The following PREPL variants were observed in gnomAD, a reference collection of about 807,000 sequenced individuals.
PREPL encodes the protein prolyl endopeptidase like, also known as prolyl endopeptidase-like.
A neutral mutation model predicts 70.6 loss-of-function variants in PREPL; 77 were observed. The ratio of observed to expected loss-of-function variants is 1.09; its 90% CI spans 0.91 to 1.32. The LOEUF (loss-of-function observed/expected upper bound fraction) is 1.32, where lower values mean the gene tolerates loss of function less well. PREPL is among the 40% of genes most tolerant of loss of function. PREPL has a pLI of 0.00. For missense variants in PREPL, 1,002 were observed against 778.2 expected, an observed-to-expected ratio of 1.29 and a Z score of -3.42; for synonymous variants, 315 against 264.8, an observed-to-expected ratio of 1.19 and a Z score of -1.84.
At chr2:44,330,415 A>T (rs1353742389) in intron 8 of PREPL, among the ~76,000 whole-genome samples, 1 of 152,174 alleles carries the variant, frequency 6.6e-6, no homozygotes, top group Non-Finnish European at 1.5e-5. Flanking sequence ...CAATAATTGC[A>T]ACATTTTGAT....
chr2:44,341,020 T>C (rs1345069804), intron 5 of PREPL, among the ~76,000 whole-genome samples: 1 of 152,108 alleles, frequency 6.6e-6, no homozygotes, highest in Admixed American at 6.5e-5. Context: ...CTATTTACAA[T>C]AGTTTTTGTG....
chr2:44,349,208 T>C (rs961763680), intron 1 of PREPL, among the ~76,000 whole-genome samples: 1 of 152,122 alleles, frequency 6.6e-6, no homozygotes, highest in East Asian at 1.9e-4. Flanking sequence ...AATGGTGAAG[T>C]AGAAAGACAC....
At chr2:44,353,610 T>TA (rs1676692064) in intron 1 of PREPL, among the ~76,000 whole-genome samples, 1 of 150,978 alleles carries the variant, frequency 6.6e-6, no homozygotes, top group Admixed American at 6.6e-5. Context: ...AATAAATAAA[T>TA]AAAACTTATT....
rs749836942 is a variant in PREPL, at chr2:44,326,922, A to G, written c.1269T>C (p.Gly423=). 2.5e-6 allele frequency: 4 copies of G among 1,613,772 alleles called. No homozygotes were observed. The South Asian group carries it at 4.4e-5, about 18-fold the overall frequency. ...WILAYCHVRG[G]GELGLQWHAD... ...CGTGCCACTGGAGGCCTAACTCACC[A>G]CCACCTCTGAAATTGAAGGGCAAAA... is the stretch of plus-strand genomic sequence containing the variant. Residue 423 remains glycine, a synonymous_variant, in exon 10 of 14, where the codon GGT becomes GGC. Coordinates refer to ENST00000409411, the MANE Select transcript of PREPL (RefSeq NM_001171613.2).
chr2:44,351,117 T>G (rs2093084923), intron 1 of PREPL, among the ~76,000 whole-genome samples: 1 of 150,146 alleles, frequency 6.7e-6, no homozygotes, highest in Non-Finnish European at 1.5e-5. Flanking sequence ...GTATTTTTAG[T>G]AGAGATGGGG....
rs60067050 is a variant in PREPL, at chr2:44,356,810, A to ATT, written c.-49+4568_-49+4569dup. 4.1e-4 allele frequency among the ~76,000 whole-genome samples: 61 copies of ATT among 148,246 alleles called. 1 individual carries two copies. Among genetic ancestry groups the ATT allele is most frequent in the African/African-American group, 6.2e-4 (25 of 40,232 alleles). On this transcript the variant is annotated intron_variant, in intron 1 of 13. Coordinates refer to ENST00000409411, the MANE Select transcript of PREPL (RefSeq NM_001171613.2). ...ACAGAATGACAAGTTGAAACTCCCT[A>ATT]TTTTTTTTTTTTTGAGACAGGGTAT... is the stretch of plus-strand genomic sequence containing the variant.
At chr2:44,340,945 A>T (rs979804841) in intron 5 of PREPL, among the ~76,000 whole-genome samples, 2 of 150,982 alleles carry the variant, frequency 1.3e-5, no homozygotes, top group Non-Finnish European at 2.9e-5. Flanking sequence ...AAAAAAAAAA[A>T]TTAAGAACAT....
intron 13 of PREPL, 104 bp downstream of exon 13, chr2:44,321,723 T>C (rs1672972459): frequency 1.2e-6 from 2 of 1,601,224 alleles, no homozygotes; most frequent in Admixed American, 1.7e-5. Flanking sequence ...GATAGGACAT[T>C]TGTGAAGTGG....
chr2:44,321,933 A>G (rs1156953691), intron 12 of PREPL, 33 bp from the exon 13 acceptor site: 2 of 1,588,756 alleles, frequency 1.3e-6, no homozygotes, highest in South Asian at 1.1e-5. Flanking sequence ...CAATTAGAAG[A>G]TTGTATGGGA....
At chr2:44,357,268 A>C (rs945267114) in intron 1 of PREPL, among the ~76,000 whole-genome samples, 5 of 152,298 alleles carry the variant, frequency 3.3e-5, no homozygotes, top group South Asian at 2.1e-4. Flanking sequence ...CAGACATTTT[A>C]ATTTACCTAA....
At chr2:44,355,728 T>C (rs570578399) in intron 1 of PREPL, among the ~76,000 whole-genome samples, 2 of 147,726 alleles carry the variant, frequency 1.4e-5, no homozygotes, top group East Asian at 3.9e-4. Flanking sequence ...TCAAACTTTT[T>C]GCAAGATATA....
intron 3 of PREPL, 136 bp downstream of exon 3, chr2:44,344,384 A>G: frequency 2.9e-6 from 2 of 694,738 alleles, no homozygotes; most frequent in African/African-American, 1.8e-5. Flanking sequence ...CAGATATTAA[A>G]AACTAGTCAT....
At position 44,335,374 on chromosome 2, in the gene PREPL, T is replaced by C. The variant is rs72804927; in HGVS notation, c.889-2718A>G. Among the ~76,000 whole-genome samples, 6 of 152,320 alleles carry C rather than the reference T, an allele frequency of 3.9e-5. No individual in the cohort carries two copies. In the East Asian group the frequency reaches 9.6e-4, roughly 24 times the overall value. On this transcript the variant is annotated intron_variant, in intron 7 of 13. Transcript: ENST00000409411. Reference sequence around the variant, plus strand: ...ATAGAATTTTGTTCTAACAAGTGCATTGCTAGAAATTACATATTCTCTCCC... The same window carrying C: ...ATAGAATTTTGTTCTAACAAGTGCACTGCTAGAAATTACATATTCTCTCCC...
chr2:44,335,807 T>C (rs1674580615), intron 7 of PREPL, among the ~76,000 whole-genome samples: 1 of 151,108 alleles, frequency 6.6e-6, no homozygotes, highest in African/African-American at 2.4e-5. Flanking sequence ...AAAGATCTAG[T>C]ATCCAGAATT....
chr2:44,346,392 T>A lies in PREPL; in HGVS notation c.-48-2A>T, dbSNP rs753545038. On this transcript the variant is annotated splice_acceptor_variant, in intron 1 of 13. Coordinates refer to ENST00000409411, the MANE Select transcript of PREPL (RefSeq NM_001171613.2). LOFTEE classifies it low-confidence loss of function (5UTR_SPLICE). The stretch of plus-strand genomic sequence containing the variant: ...TTCTTGTTTAACAGGCTGAAGATCC[T>A]GGAAAAAGTTTTGTTATGATCAAAA... 80 of 1,609,276 alleles carry A rather than the reference T, an allele frequency of 5.0e-5. No individual in the cohort carries two copies. The highest frequency in any genetic ancestry group is 6.7e-5 in the Non-Finnish European group (79 of 1,178,722).
chr2:44,333,273 G>C (rs1180578022), intron 7 of PREPL, among the ~76,000 whole-genome samples: 2 of 152,100 alleles, frequency 1.3e-5, no homozygotes, highest in Non-Finnish European at 2.9e-5. Flanking sequence ...TATACTCAAG[G>C]TTCTTAACTT....
chr2:44,340,173 TATC>T (rs939331820), intron 5 of PREPL, among the ~76,000 whole-genome samples: 7 of 152,056 alleles, frequency 4.6e-5, no homozygotes, highest in Non-Finnish European at 7.4e-5. Flanking sequence ...CTACCTAATA[TATC>T]ATAATTCTTA....
At chr2:44,350,043 C>G (rs1037034282) in intron 1 of PREPL, among the ~76,000 whole-genome samples, 1 of 151,910 alleles carries the variant, frequency 6.6e-6, no homozygotes, top group Non-Finnish European at 1.5e-5. Context: ...TCTTTTCATA[C>G]GTCAACTATT....
In PREPL at chr2:44,344,593, A is replaced by G; in HGVS notation, c.76-7T>C. On this transcript the variant is annotated splice_polypyrimidine_tract_variant and splice_region_variant and intron_variant, in intron 2 of 13. Transcript: ENST00000409411. ...CAAAACCACCATGTTTAACCTGACAAAAGAAACATGCAGTTTACTTAATAA... is the reference window on the plus strand; with the variant it reads ...CAAAACCACCATGTTTAACCTGACAGAAGAAACATGCAGTTTACTTAATAA... 4 of 1,589,394 alleles carry G rather than the reference A, an allele frequency of 2.5e-6. No individual in the cohort carries two copies. The highest frequency in any genetic ancestry group is 2.6e-6 in the Non-Finnish European group (3 of 1,166,768).
Sources: gnomAD v4.1 joint callset for allele counts (sites outside exome capture counted in the v4.1 genomes callset) on GRCh38, gnomAD v4.1.1 for gene constraint, MANE v1.5 for transcripts, NCBI Gene and HGNC (gene_info 2026-07-23, HGNC 2026-07-21) for gene names.